Variants in ATP9B observed in about 807,000 individuals in gnomAD.
ATP9B encodes ATPase phospholipid transporting 9B, also known as probable phospholipid-transporting ATPase IIB.
ATP9B carries 110 observed loss-of-function variants against 146.1 expected under a neutral mutation model. That is an observed-to-expected ratio of 0.75 (90% CI 0.65 to 0.88). The LOEUF is 0.88. Among genes scored for constraint, ATP9B ranks in the 40% least tolerant of loss-of-function variants. ATP9B has a pLI of 0.00. For synonymous variants in ATP9B, 604 were observed against 569.7 expected, an observed-to-expected ratio of 1.06 and a Z score of -0.86; for missense variants, 1,499 against 1,496.4, an observed-to-expected ratio of 1.00 and a Z score of -0.03.
At chr18:79,207,179 G>T (rs143130204) in intron 10 of ATP9B, among the ~76,000 whole-genome samples, 167 bp downstream of exon 10, 1 of 152,192 alleles carries the variant, frequency 6.6e-6, no homozygotes, top group African/African-American at 2.4e-5. Context: ...GGAGCTTGTG[G>T]TGAGGCTTGT....
intron 5 of ATP9B, among the ~76,000 whole-genome samples, chr18:79,136,893 A>G (rs886877708): frequency 6.6e-6 from 1 of 152,200 alleles, no homozygotes; most frequent in Non-Finnish European, 1.5e-5. Flanking sequence ...TGGTGGCAGC[A>G]AGGAGAAGTG....
chr18:79,139,901 G>T (rs1247096137), intron 5 of ATP9B, among the ~76,000 whole-genome samples: 22 of 152,036 alleles, frequency 1.4e-4, no homozygotes, highest in Admixed American at 1.4e-3. Flanking sequence ...GTAAATTTTG[G>T]ATATGCATTT....
intron 26 of ATP9B, among the ~76,000 whole-genome samples, chr18:79,369,311 G>A (rs528154955): frequency 3.3e-5 from 5 of 152,074 alleles, no homozygotes; most frequent in African/African-American, 1.2e-4. Context: ...GAGGCGGGCG[G>A]GTCACGAGTC....
intron 8 of ATP9B, among the ~76,000 whole-genome samples, chr18:79,192,947 T>A (rs904855327): frequency 6.6e-6 from 1 of 152,112 alleles, no homozygotes; most frequent in Non-Finnish European, 1.5e-5. Flanking sequence ...TTTGAGTGTC[T>A]CCTGCATGAT....
chr18:79,224,013 CTTAG>C lies in ATP9B; in HGVS notation c.1107+9980_1107+9983del, dbSNP rs962004901. Among the ~76,000 whole-genome samples, 4 of 152,240 alleles carry C rather than the reference CTTAG, an allele frequency of 2.6e-5. No homozygotes were observed. The East Asian group carries it at 5.8e-4, about 22-fold the overall frequency. On this transcript the variant is annotated intron_variant, in intron 11 of 29. Coordinates refer to ENST00000426216, the MANE Select transcript of ATP9B (RefSeq NM_198531.5). ...TAATTGATTTCTATCACAGAAAAGA[CTTAG>C]TTAGCTTTACATAAAGTTCTGAATA... is the stretch of plus-strand genomic sequence containing the variant.
chr18:79,136,293 A>G (rs146609293), intron 5 of ATP9B, among the ~76,000 whole-genome samples: 290 of 152,276 alleles, frequency 1.9e-3, no homozygotes, highest in Non-Finnish European at 3.2e-3. Flanking sequence ...CTTTTGACCC[A>G]TGTGTGAGAT....
At chr18:79,232,205 A>G (rs2095799615) in intron 11 of ATP9B, among the ~76,000 whole-genome samples, 1 of 152,150 alleles carries the variant, frequency 6.6e-6, no homozygotes, top group Non-Finnish European at 1.5e-5. Context: ...ATGGGATATC[A>G]TGGGGGGAGC....
At chr18:79,125,507 A>G (rs2094268958) in intron 4 of ATP9B, among the ~76,000 whole-genome samples, 1 of 152,230 alleles carries the variant, frequency 6.6e-6, no homozygotes, top group Non-Finnish European at 1.5e-5. Context: ...TTGTGCTTTC[A>G]GTGGACATAC....
At chr18:79,262,630 G>A (rs1288365757) in intron 12 of ATP9B, among the ~76,000 whole-genome samples, 1 of 152,184 alleles carries the variant, frequency 6.6e-6, no homozygotes, top group Non-Finnish European at 1.5e-5. Flanking sequence ...AAGGTCAGTG[G>A]AGATGCTGTG....
At chr18:79,112,881 G>A (rs1368342395) in intron 3 of ATP9B, among the ~76,000 whole-genome samples, 2 of 152,052 alleles carry the variant, frequency 1.3e-5, no homozygotes, top group African/African-American at 4.8e-5. Context: ...CATTGGGAAG[G>A]TTTTGCTATC....
At chr18:79,079,196 C>T (rs1444748512) in intron 1 of ATP9B, among the ~76,000 whole-genome samples, 1 of 152,174 alleles carries the variant, frequency 6.6e-6, no homozygotes, top group Non-Finnish European at 1.5e-5. Flanking sequence ...ATTGCTGGGT[C>T]AGAGGGTATT....
intron 13 of ATP9B, among the ~76,000 whole-genome samples, chr18:79,302,180 A>G (rs1004264398): frequency 3.9e-5 from 6 of 152,244 alleles, no homozygotes; most frequent in Non-Finnish European, 5.9e-5. Flanking sequence ...TGTGCAATGA[A>G]TGGCTGTGTC....
rs373176976 is a variant in ATP9B at position 79,297,496 on chromosome 18, T to A, written c.1412-6108T>A. 2.4e-3 allele frequency among the ~76,000 whole-genome samples: 365 copies of A among 152,378 alleles called. 1 individual carries two copies. Among genetic ancestry groups the A allele is most frequent in the South Asian group, 6.4e-3 (31 of 4,828 alleles). ...CACTCAGTAAATATTAAATACACAT[T>A]TTATATATTGTGGGTATTTTTGGTA... On this transcript the variant is annotated intron_variant, in intron 13 of 29. Transcript: ENST00000426216.
intron 14 of ATP9B, among the ~76,000 whole-genome samples, chr18:79,304,981 G>T (rs1007300598): frequency 6.6e-6 from 1 of 152,148 alleles, no homozygotes; most frequent in Admixed American, 6.6e-5. Context: ...GCTCACCCTG[G>T]GGGGTGTGAC....
intron 7 of ATP9B, among the ~76,000 whole-genome samples, chr18:79,161,100 G>A (rs1359959019): frequency 6.6e-6 from 1 of 152,110 alleles, no homozygotes; most frequent in Admixed American, 6.6e-5. Context: ...TTCTTCCTCA[G>A]CCTCTTAATG....
intron 1 of ATP9B, among the ~76,000 whole-genome samples, chr18:79,094,449 G>A (rs1266272010): frequency 6.6e-6 from 1 of 152,052 alleles, no homozygotes; most frequent in Non-Finnish European, 1.5e-5. Context: ...CACCTGACTG[G>A]GACAGTTCTC....
At chr18:79,121,793 G>A (rs1209498353) in intron 4 of ATP9B, among the ~76,000 whole-genome samples, 1 of 152,204 alleles carries the variant, frequency 6.6e-6, no homozygotes, top group Non-Finnish European at 1.5e-5. Flanking sequence ...GTCCTTGCCT[G>A]TGACCAGGAT....
intron 15 of ATP9B, among the ~76,000 whole-genome samples, chr18:79,313,847 A>G (rs1256324868): frequency 6.6e-6 from 1 of 152,224 alleles, no homozygotes; most frequent in African/African-American, 2.4e-5. Context: ...CCTTTTAAAA[A>G]TCCCTAAAAC....
At chr18:79,342,885 A>G (rs960061142) in intron 20 of ATP9B, among the ~76,000 whole-genome samples, 1 of 152,230 alleles carries the variant, frequency 6.6e-6, no homozygotes. Flanking sequence ...TACAAAATAG[A>G]AATGTGTTTT....
Sources: gnomAD v4.1 joint callset for allele counts (sites outside exome capture counted in the v4.1 genomes callset) on GRCh38, gnomAD v4.1.1 for gene constraint, MANE v1.5 for transcripts, NCBI Gene and HGNC (gene_info 2026-07-23, HGNC 2026-07-21) for gene names.